The following FGD6 variants were observed in gnomAD, a reference collection of about 807,000 sequenced individuals.
FGD6 encodes FYVE, RhoGEF and PH domain containing 6.
FGD6 carries 90 observed loss-of-function variants against 149.4 expected under a neutral mutation model. The observed-to-expected ratio is 0.60, with a 90% CI of 0.51 to 0.72. The LOEUF (loss-of-function observed/expected upper bound fraction) is 0.72. FGD6 is among the 30% of genes least tolerant of loss of function. The pLI is 0.00. For missense variants in FGD6, 1,437 were observed against 1,684.8 expected, an observed-to-expected ratio of 0.85 and a Z score of 2.57; for synonymous variants, 527 against 584.0, an observed-to-expected ratio of 0.90 and a Z score of 1.41.
intron 5 of FGD6, among the ~76,000 whole-genome samples, chr12:95,142,326 G>A (rs1879875802): frequency 1.3e-5 from 2 of 151,932 alleles, no homozygotes; most frequent in African/African-American, 4.8e-5. Flanking sequence ...TATGTTTTTA[G>A]TAGAGACGGC....
At chr12:95,192,370 A>G (rs1366244532) in intron 2 of FGD6, among the ~76,000 whole-genome samples, 1 of 152,250 alleles carries the variant, frequency 6.6e-6, no homozygotes, top group Non-Finnish European at 1.5e-5. Context: ...ACTGTTTGAT[A>G]TGTAGTTAAA....
At chr12:95,109,661 G>C (rs1376087156) in intron 9 of FGD6, among the ~76,000 whole-genome samples, 1 of 152,044 alleles carries the variant, frequency 6.6e-6, no homozygotes, top group Non-Finnish European at 1.5e-5. Flanking sequence ...TCAGGAGATC[G>C]AGACCAGCCT....
At position 95,077,780 on chromosome 12, in the gene FGD6, TCTGGAG is replaced by T. The variant is rs1877543254; in HGVS notation, c.*3734_*3739del. 1 of 152,226 alleles carries T rather than the reference TCTGGAG, an allele frequency of 6.6e-6. No homozygotes were observed. Among genetic ancestry groups the T allele is most frequent in the Non-Finnish European group, 1.5e-5 (1 of 68,034 alleles). 9.4% of individuals were successfully genotyped at this position (152,226 alleles called of 1,614,324 possible). A position where few individuals can be genotyped will look rare whatever the true frequency, so the allele number is the denominator to read the frequency against. On this transcript the variant is annotated 3_prime_UTR_variant, in exon 21 of 21. Transcript: ENST00000343958. Reference sequence around the variant, plus strand: ...GTCTTGTTGAGAGTTAGAGGCAGATTCTGGAGTCTCAAATGGTATCTTTCTCTTACA... The same window carrying T: ...GTCTTGTTGAGAGTTAGAGGCAGATTTCTCAAATGGTATCTTTCTCTTACA...
Position 95,078,384 on chromosome 12 carries a change from T to G in FGD6, c.*3136A>C, listed in dbSNP as rs1877563603. The G allele has an allele frequency of 6.6e-6, 1 of 152,234 alleles. No homozygotes were observed. The highest frequency in any genetic ancestry group is 1.5e-5 in the Non-Finnish European group (1 of 68,040). The allele number at this position is 152,234 out of a possible 1,614,324, so 9.4% of individuals were successfully genotyped here. A position where few individuals can be genotyped will look rare whatever the true frequency, so the allele number is the denominator to read the frequency against. ...CAAAACATACCAACATATGCTGTGA[T>G]ATAACATTTACATTTTAACTAAATT... On this transcript the variant is annotated 3_prime_UTR_variant, in exon 21 of 21. Transcript: ENST00000343958.
intron 3 of FGD6, among the ~76,000 whole-genome samples, chr12:95,155,302 G>T (rs929345471): frequency 1.3e-5 from 2 of 152,146 alleles, no homozygotes; most frequent in African/African-American, 4.8e-5. Flanking sequence ...CGAGGCAGGT[G>T]GGTCACCTGA....
chr12:95,100,689 G>T, intron 14 of FGD6: 1 of 539,130 alleles, frequency 1.9e-6, no homozygotes, highest in Non-Finnish European at 3.8e-6. Flanking sequence ...AATTCACCAA[G>T]AGCAATGTGA....
intron 1 of FGD6, among the ~76,000 whole-genome samples, chr12:95,214,867 T>C (rs192527018): frequency 9.4e-5 from 14 of 149,088 alleles, no homozygotes; most frequent in South Asian, 2.1e-4. Flanking sequence ...TTTTCTTTTT[T>C]TTTTTTTTTT....
At chr12:95,091,370 GA>G (rs1423945696) in intron 17 of FGD6, among the ~76,000 whole-genome samples, 1 of 152,162 alleles carries the variant, frequency 6.6e-6, no homozygotes, top group African/African-American at 2.4e-5. Context: ...TTTACATATA[GA>G]TAAAATGATT....
At chr12:95,195,002 C>T (rs550754840) in intron 2 of FGD6, among the ~76,000 whole-genome samples, 1 of 152,288 alleles carries the variant, frequency 6.6e-6, no homozygotes, top group African/African-American at 2.4e-5. Context: ...ACTTCCACTT[C>T]CAAATGCCGA....
Position 95,085,871 on chromosome 12 carries a change from T to A in FGD6, c.4016A>T (p.Tyr1339Phe). The change falls in exon 19 of 21, where the codon TAC (tyrosine) becomes TTC (phenylalanine). Residue 1339 changes from tyrosine (Y) to phenylalanine (F), a missense_variant. Physicochemically the swap from Tyr to Phe is conservative, Grantham distance 22. This residue lies in a region of FGD6 where 382 missense variants were observed against 538.7 expected (regional missense o/e 0.71). Transcript: ENST00000343958. ...TTTATTGCCCTTTGATCTGTACAAGTAGCCACTCATAGAAGAATCCTCTGT... is the reference window on the plus strand; with the variant it reads ...TTTATTGCCCTTTGATCTGTACAAGAAGCCACTCATAGAAGAATCCTCTGT... ...ANTEDSSMSG[Y>F]LYRSKGNKKP... The A allele has an allele frequency of 6.2e-7, 1 of 1,612,262 alleles. No homozygotes were observed. Among genetic ancestry groups the A allele is most frequent in the Admixed American group, 1.7e-5 (1 of 59,634 alleles).
intron 9 of FGD6, 130 bp downstream of exon 9, chr12:95,113,521 C>G (rs1269000584): frequency 9.8e-6 from 7 of 711,130 alleles, no homozygotes; most frequent in Non-Finnish European, 1.7e-5. Flanking sequence ...CAGGTGTGAG[C>G]CACCGCACCT....
At chr12:95,152,147 GA>G (rs1477809523) in intron 5 of FGD6, among the ~76,000 whole-genome samples, 2 of 151,994 alleles carry the variant, frequency 1.3e-5, no homozygotes, top group Non-Finnish European at 2.9e-5. Context: ...GTAACATGTT[GA>G]AACCCCATCT....
rs866773947 is a variant in FGD6 at position 95,091,743 on chromosome 12, C to T, written c.3814G>A (p.Val1272Ile). The T allele has an allele frequency of 6.2e-7, 1 of 1,613,606 alleles. No individual in the cohort carries two copies. The highest frequency in any genetic ancestry group is 1.7e-4 in the Middle Eastern group (1 of 6,044). ...LDYLKNQPAR[V>I]CEHCFQELQK... ...AGTTCTTGGAAACAATGTTCACATACTCTTGCTGGTTGATTTTTCAGGTAA... is the reference window on the plus strand; with the variant it reads ...AGTTCTTGGAAACAATGTTCACATATTCTTGCTGGTTGATTTTTCAGGTAA... Residue 1272 changes from valine (V) to isoleucine (I), a missense_variant, in exon 17 of 21, where the codon GTA becomes ATA. Val to Ile is a conservative substitution (Grantham distance 29, BLOSUM62 3). Coordinates refer to ENST00000343958, the MANE Select transcript of FGD6 (RefSeq NM_018351.4).
intron 6 of FGD6, among the ~76,000 whole-genome samples, chr12:95,139,277 A>G (rs1404869089): frequency 1.3e-5 from 2 of 152,046 alleles, no homozygotes; most frequent in African/African-American, 4.8e-5. Flanking sequence ...TGTCTCTACA[A>G]AAAATTAAAA....
chr12:95,210,633 T>C lies in FGD6; in HGVS notation c.651A>G (p.Gln217=), dbSNP rs746644979. 25 of 1,614,116 alleles carry C rather than the reference T, an allele frequency of 1.5e-5. No individual in the cohort carries two copies. The highest frequency in any genetic ancestry group is 2.0e-5 in the Non-Finnish European group (24 of 1,180,062). The change falls in exon 2 of 21, where the codon CAA becomes CAG. Residue 217 remains glutamine (Q), a synonymous_variant. Transcript: ENST00000343958. ...ACAAATCCGCAAATTCAATTCTGAA[T>C]TGTCCATTTGAATTACAGCCACCAT... The part of the protein sequence containing the change: ...EMNGGCNSNG[Q]FRIEFADLSP...
intron 8 of FGD6, among the ~76,000 whole-genome samples, chr12:95,117,726 C>G (rs749982549): frequency 1.2e-4 from 18 of 152,018 alleles, no homozygotes; most frequent in Non-Finnish European, 2.2e-4. Flanking sequence ...GGTGCCAGTA[C>G]AAGTTAATTT....
chr12:95,159,635 C>T lies in FGD6; in HGVS notation c.2587-6642G>A, dbSNP rs904574113. 1.3e-4 allele frequency among the ~76,000 whole-genome samples: 20 copies of T among 152,146 alleles called. 1 individual carries two copies. The South Asian group carries it at 2.9e-3, about 22-fold the overall frequency. Reference sequence around the variant, plus strand: ...GGCAGATTGCTTGAACACAGGAGTTCGAGACCTGGGCAACAGGGTAAAACC... The same window carrying T: ...GGCAGATTGCTTGAACACAGGAGTTTGAGACCTGGGCAACAGGGTAAAACC... On this transcript the variant is annotated intron_variant, in intron 3 of 20. Transcript: ENST00000343958.
intron 2 of FGD6, among the ~76,000 whole-genome samples, chr12:95,202,388 C>CG (rs2056668245): frequency 1.9e-5 from 1 of 54,016 alleles, no homozygotes. Context: ...CTCCATTTCC[C>CG]AAAAAATAAA....
intron 17 of FGD6, among the ~76,000 whole-genome samples, 180 bp from the exon 18 acceptor site, chr12:95,089,876 T>A (rs992588027): frequency 1.3e-5 from 2 of 152,166 alleles, no homozygotes; most frequent in Non-Finnish European, 2.9e-5. Context: ...GACTTTCTAC[T>A]ATCTATGGTT....
Sources: gnomAD v4.1 joint callset for allele counts (sites outside exome capture counted in the v4.1 genomes callset) on GRCh38, gnomAD v4.1.1 for gene constraint, gnomAD v4.1.1 regional missense constraint, MANE v1.5 for transcripts, NCBI Gene and HGNC (gene_info 2026-07-23, HGNC 2026-07-21) for gene names.